Variants in GRID1 observed in about 807,000 individuals in gnomAD.
GRID1 encodes glutamate receptor ionotropic, delta-1.
Under a neutral mutation model 98.0 loss-of-function variants are expected in GRID1, and 28 were observed. That is an observed-to-expected ratio of 0.29 (90% CI 0.21 to 0.39). The LOEUF (loss-of-function observed/expected upper bound fraction) is 0.39, where lower values mean the gene tolerates loss of function less well. Among genes scored for constraint, GRID1 ranks in the 10% least tolerant of loss-of-function variants. The pLI is 1.00. For missense variants in GRID1, 1,111 were observed against 1,340.5 expected (o/e 0.83, Z 2.67); for synonymous variants, 553 against 538.5 (o/e 1.03, Z -0.37).
intron 8 of GRID1, among the ~76,000 whole-genome samples, chr10:85,825,427 T>C (rs776534104): frequency 7.9e-5 from 12 of 152,170 alleles, no homozygotes; most frequent in Non-Finnish European, 1.6e-4. Context: ...TTGTAGATTC[T>C]GGATATTAGT....
intron 2 of GRID1, among the ~76,000 whole-genome samples, chr10:86,207,050 T>A (rs1381419282): frequency 1.3e-5 from 2 of 152,184 alleles, no homozygotes; most frequent in Non-Finnish European, 1.5e-5. Context: ...CGTCATTGTG[T>A]TGATCTGTGC....
At chr10:85,833,101 A>T (rs967581227) in intron 8 of GRID1, among the ~76,000 whole-genome samples, 1 of 152,056 alleles carries the variant, frequency 6.6e-6, no homozygotes, top group African/African-American at 2.4e-5. Flanking sequence ...GGGTGATTCC[A>T]CCTAGCCCAT....
intron 4 of GRID1, among the ~76,000 whole-genome samples, chr10:86,063,886 T>C (rs977776295): frequency 6.6e-6 from 1 of 152,216 alleles, no homozygotes; most frequent in Non-Finnish European, 1.5e-5. Context: ...CTGTAGCTAC[T>C]GTCAGGCCTA....
intron 2 of GRID1, among the ~76,000 whole-genome samples, chr10:86,248,978 G>A (rs1336191610): frequency 6.6e-6 from 1 of 152,158 alleles, no homozygotes; most frequent in Non-Finnish European, 1.5e-5. Flanking sequence ...CCCACCCTCA[G>A]TTTCCCAGGG....
At chr10:85,939,372 G>A (rs11201839) in intron 4 of GRID1, among the ~76,000 whole-genome samples, 1 of 152,214 alleles carries the variant, frequency 6.6e-6, no homozygotes, top group South Asian at 2.1e-4. Context: ...ACAAAGTTTA[G>A]TGATTTAGCA....
chr10:86,210,400 A>C (rs1846091523), intron 2 of GRID1, among the ~76,000 whole-genome samples: 1 of 152,170 alleles, frequency 6.6e-6, no homozygotes, highest in Non-Finnish European at 1.5e-5. Context: ...TTTTCTATTA[A>C]ATAGGAATAA....
At chr10:86,249,875 A>AATGGATGGATGGTGGAAGG (rs1451120934) in intron 2 of GRID1, among the ~76,000 whole-genome samples, 1 of 152,176 alleles carries the variant, frequency 6.6e-6, no homozygotes, top group Non-Finnish European at 1.5e-5. Flanking sequence ...ATGTTTGATA[A>AATGGATGGATGGTGGAAGG]ATGGATGGAT....
intron 12 of GRID1, among the ~76,000 whole-genome samples, chr10:85,698,298 A>C (rs1476875135): frequency 1.3e-5 from 2 of 152,216 alleles, no homozygotes; most frequent in Non-Finnish European, 2.9e-5. Context: ...ACAGAATTTA[A>C]GTTCAGTCTC....
chr10:85,952,922 G>A (rs915968194), intron 4 of GRID1, among the ~76,000 whole-genome samples: 1 of 152,022 alleles, frequency 6.6e-6, no homozygotes, highest in African/African-American at 2.4e-5. Context: ...GACAACAAGG[G>A]TAAAAACATT....
intron 15 of GRID1, among the ~76,000 whole-genome samples, chr10:85,603,613 T>C (rs1417707406): frequency 6.6e-6 from 1 of 152,184 alleles, no homozygotes; most frequent in Non-Finnish European, 1.5e-5. Flanking sequence ...GCCTGAAAGC[T>C]CAAGGAAGAC....
intron 5 of GRID1, among the ~76,000 whole-genome samples, chr10:85,886,328 C>T (rs1408057159): frequency 6.6e-6 from 1 of 152,270 alleles, no homozygotes; most frequent in South Asian, 2.1e-4. Context: ...CTCTGAATTG[C>T]CCTACCTTGA....
intron 5 of GRID1, among the ~76,000 whole-genome samples, chr10:85,886,051 G>A (rs1841113525): frequency 6.7e-6 from 1 of 149,752 alleles, no homozygotes; most frequent in Admixed American, 6.6e-5. Context: ...GTCCTGCCTG[G>A]TCCCAGACCC....
chr10:85,602,699 G>T lies in GRID1; in HGVS notation c.2604C>A (p.Asp868Glu). The change falls in exon 16 of 16, where the codon GAC (aspartate) becomes GAA (glutamate). Residue 868 changes from aspartate to glutamate, a missense_variant and splice_region_variant. Transcript: ENST00000327946. ...GGACCTGCTCCAAGTTCACTTCTTT[G>T]TCCTGGAGGGAAGGCATAGGAAGGT... Reference protein sequence around the residue: ...NRCHQETPKEDKEVNLEQVHR... With the variant: ...NRCHQETPKEEKEVNLEQVHR... The T allele has an allele frequency of 1.2e-6, 2 of 1,608,582 alleles. No individual in the cohort carries two copies. The highest frequency in any genetic ancestry group is 1.7e-6 in the Non-Finnish European group (2 of 1,176,638).
chr10:86,174,884 T>A (rs1845551959), intron 3 of GRID1, among the ~76,000 whole-genome samples: 1 of 151,888 alleles, frequency 6.6e-6, no homozygotes, highest in African/African-American at 2.4e-5. Flanking sequence ...AAAAAACACA[T>A]GAAAAAATGC....
intron 4 of GRID1, among the ~76,000 whole-genome samples, chr10:86,050,521 T>A (rs1036802705): frequency 8.5e-5 from 13 of 152,112 alleles, no homozygotes; most frequent in African/African-American, 3.1e-4. Flanking sequence ...AAATCAATAT[T>A]AAAAGGTCAG....
At chr10:86,207,707 C>T (rs1846050497) in intron 2 of GRID1, among the ~76,000 whole-genome samples, 2 of 146,550 alleles carry the variant, frequency 1.4e-5, no homozygotes, top group South Asian at 4.5e-4. Flanking sequence ...TCTCGACTCA[C>T]TGCAAGCTCC....
At chr10:86,109,444 C>A (rs1401414205) in intron 4 of GRID1, among the ~76,000 whole-genome samples, 1 of 152,214 alleles carries the variant, frequency 6.6e-6, no homozygotes, top group Non-Finnish European at 1.5e-5. Flanking sequence ...GGCTGAGGAA[C>A]AATGGCCTGC....
intron 4 of GRID1, among the ~76,000 whole-genome samples, chr10:85,954,584 T>C (rs77362679): frequency 0.12 from 18,621 of 152,242 alleles, 1,288 homozygotes; most frequent in Admixed American, 0.22. Context: ...CCTTGATATA[T>C]GTAAGGAAGC....
At chr10:86,133,878 G>A (rs1437394500) in intron 4 of GRID1, among the ~76,000 whole-genome samples, 1 of 152,204 alleles carries the variant, frequency 6.6e-6, no homozygotes, top group African/African-American at 2.4e-5. Context: ...CCGCCTCCTT[G>A]TGAACTGGAA....
Sources: gnomAD v4.1 joint callset for allele counts (sites outside exome capture counted in the v4.1 genomes callset) on GRCh38, gnomAD v4.1.1 for gene constraint, MANE v1.5 for transcripts, NCBI Gene and HGNC (gene_info 2026-07-23, HGNC 2026-07-21) for gene names.